KCMF1: variants seen among roughly 807,000 people sequenced by gnomAD.
KCMF1 encodes E3 ubiquitin-protein ligase KCMF1.
KCMF1 carries 3 observed loss-of-function variants against 41.1 expected under a neutral mutation model. The observed-to-expected ratio is 0.07, with a 90% CI of 0.03 to 0.19. The LOEUF (loss-of-function observed/expected upper bound fraction) is 0.19. KCMF1 is among the 10% of genes least tolerant of loss of function. The pLI is 1.00. For missense variants in KCMF1, 286 were observed against 488.9 expected (o/e 0.58, Z 3.91); for synonymous variants, 142 against 164.5 (o/e 0.86, Z 1.04).
At chr2:85,046,315 G>GCTT in intron 5 of KCMF1, 37 bp downstream of exon 5, 1 of 1,551,592 alleles carries the variant, frequency 6.4e-7, no homozygotes, top group Non-Finnish European at 8.8e-7. Context: ...AAATGGCAGG[G>GCTT]GAAGGAGGAG....
At chr2:85,048,634 G>A (rs1003848100) in intron 5 of KCMF1, among the ~76,000 whole-genome samples, 2 of 152,246 alleles carry the variant, frequency 1.3e-5, no homozygotes, top group Admixed American at 6.5e-5. Context: ...AGATGAGGAT[G>A]CGGGGACAAA....
chr2:85,020,724 G>A (rs559122913), intron 1 of KCMF1, among the ~76,000 whole-genome samples: 168 of 152,260 alleles, frequency 1.1e-3, no homozygotes, highest in Non-Finnish European at 1.9e-3. Flanking sequence ...GAGCCACTGC[G>A]CCTGACCTGG....
At chr2:85,014,724 C>CGTGT (rs72066261) in intron 1 of KCMF1, among the ~76,000 whole-genome samples, 129 of 138,298 alleles carry the variant, frequency 9.3e-4, no homozygotes, top group Non-Finnish European at 1.1e-3. Flanking sequence ...TGCGTGCGTG[C>CGTGT]GTGTGTGTGT....
chr2:85,050,835 G>A (rs1366502187), intron 6 of KCMF1, among the ~76,000 whole-genome samples: 2 of 152,230 alleles, frequency 1.3e-5, no homozygotes, highest in African/African-American at 2.4e-5. Context: ...TGGTGCATGT[G>A]TATAGTTATA....
At chr2:85,044,310 G>A (rs373954586) in intron 4 of KCMF1, among the ~76,000 whole-genome samples, 9 of 151,982 alleles carry the variant, frequency 5.9e-5, no homozygotes, top group Non-Finnish European at 1.0e-4. Flanking sequence ...ATTTCCTGCC[G>A]AGTTCCTGAG....
chr2:84,990,933 AC>A (rs1674026425), intron 1 of KCMF1, among the ~76,000 whole-genome samples: 1 of 152,014 alleles, frequency 6.6e-6, no homozygotes, highest in Non-Finnish European at 1.5e-5. Flanking sequence ...CTTGCTCAAA[AC>A]CCAGTGGATG....
Position 85,043,680 on chromosome 2 carries a change from G to T in KCMF1, c.426+15G>T. The stretch of plus-strand genomic sequence containing the variant: ...CTAGAGATTTAATATCCTTTTAAGA[G>T]ATGACAAGGAAAAGAGTTGTTTGTA... On this transcript the variant is annotated intron_variant, in intron 4 of 6. Transcript: ENST00000409785. The T allele has an allele frequency of 6.7e-7, 1 of 1,481,998 alleles. No homozygotes were observed. Among genetic ancestry groups the T allele is most frequent in the Non-Finnish European group, 9.4e-7 (1 of 1,061,922 alleles). 91.8% of individuals were successfully genotyped at this position (1,481,998 alleles called of 1,614,324 possible). A position where few individuals can be genotyped will look rare whatever the true frequency, so the allele number is the denominator to read the frequency against.
chr2:85,013,635 T>A (rs1674699402), intron 1 of KCMF1, among the ~76,000 whole-genome samples: 1 of 151,886 alleles, frequency 6.6e-6, no homozygotes, highest in South Asian at 2.1e-4. Flanking sequence ...CCGTCTCTAC[T>A]AAAAGTACAA....
intron 1 of KCMF1, among the ~76,000 whole-genome samples, chr2:84,983,825 TTA>T (rs142290868): frequency 0.015 from 2,330 of 152,190 alleles, 30 homozygotes; most frequent in South Asian, 0.063. Context: ...TTTGTATTTT[TTA>T]TAGAGATGGA....
At position 85,054,598 on chromosome 2, in the gene KCMF1, G is replaced by C. The variant is rs1382958778; in HGVS notation, c.*1189G>C. ...TGGGTTTGTTTTGGGGTTTGGAAGG[G>C]CCGGGTTATTTTTTATTTCCTGTTT... On this transcript the variant is annotated 3_prime_UTR_variant, in exon 7 of 7. Coordinates refer to ENST00000409785, the MANE Select transcript of KCMF1 (RefSeq NM_020122.5). 1.3e-5 allele frequency: 2 copies of C among 152,040 alleles called. No individual in the cohort carries two copies. Among genetic ancestry groups the C allele is most frequent in the East Asian group, 3.9e-4 (2 of 5,194 alleles). 9.4% of individuals were successfully genotyped at this position (152,040 alleles called of 1,614,324 possible). A position where few individuals can be genotyped will look rare whatever the true frequency, so the allele number is the denominator to read the frequency against.
At chr2:85,050,501 T>C (rs1675780879) in intron 6 of KCMF1, among the ~76,000 whole-genome samples, 1 of 152,198 alleles carries the variant, frequency 6.6e-6, no homozygotes, top group African/African-American at 2.4e-5. Flanking sequence ...GGAGTTCTTG[T>C]TTGCTTCTGA....
intron 1 of KCMF1, among the ~76,000 whole-genome samples, chr2:85,023,567 C>T (rs548431166): frequency 6.6e-6 from 1 of 151,968 alleles, no homozygotes; most frequent in Non-Finnish European, 1.5e-5. Context: ...GTGATCCGCC[C>T]GCCTCGGTCT....
chr2:85,040,861 A>G (rs1458920580), intron 3 of KCMF1, among the ~76,000 whole-genome samples: 1 of 151,878 alleles, frequency 6.6e-6, no homozygotes, highest in Non-Finnish European at 1.5e-5. Context: ...CCCGGGTTCA[A>G]GTGATTCTCC....
chr2:84,971,463 T>C lies in KCMF1; in HGVS notation c.12T>C (p.His4=). ...CCGTCTGAACTAGGATGTCCCGACA[T>C]GAAGGTGAGAGGAGCCCCCGCCCCC... MSR[H]EGVSCDACLK... is the part of the protein sequence containing the mutation. Residue 4 remains histidine, a synonymous_variant, in exon 1 of 7, where the codon CAT becomes CAC. Coordinates refer to ENST00000409785, the MANE Select transcript of KCMF1 (RefSeq NM_020122.5). The C allele has an allele frequency of 7.9e-7, 1 of 1,270,330 alleles. No homozygotes were observed. The highest frequency in any genetic ancestry group is 1.0e-6 in the Non-Finnish European group (1 of 984,456). The allele number at this position is 1,270,330 out of a possible 1,614,324, so 78.7% of individuals were successfully genotyped here.
At chr2:84,982,970 A>C (rs1673803494) in intron 1 of KCMF1, among the ~76,000 whole-genome samples, 2 of 152,228 alleles carry the variant, frequency 1.3e-5, no homozygotes, top group Non-Finnish European at 2.9e-5. Context: ...ACAGTAGATG[A>C]GAAATACAAG....
intron 5 of KCMF1, 53 bp downstream of exon 5, chr2:85,046,331 T>A: frequency 6.8e-7 from 1 of 1,461,984 alleles, no homozygotes; most frequent in South Asian, 1.2e-5. Context: ...AGGAGCTCCT[T>A]TTAAAACTTT....
At chr2:85,003,870 G>A (rs1184058624) in intron 1 of KCMF1, among the ~76,000 whole-genome samples, 1 of 152,150 alleles carries the variant, frequency 6.6e-6, no homozygotes, top group Non-Finnish European at 1.5e-5. Flanking sequence ...AGCTAAAAAG[G>A]GTTAGCATAG....
At chr2:84,999,634 A>G (rs76447312) in intron 1 of KCMF1, among the ~76,000 whole-genome samples, 2,125 of 152,324 alleles carry the variant, frequency 0.014, 51 homozygotes, top group African/African-American at 0.049. Context: ...ATTTTCCTAT[A>G]CTATTTATAG....
chr2:85,014,196 C>T (rs1164528188), intron 1 of KCMF1: 1 of 152,132 alleles, frequency 6.6e-6, no homozygotes, highest in African/African-American at 2.4e-5. Context: ...AAGAGTAATT[C>T]CTCAATCTCA....
Sources: allele counts gnomAD v4.1 joint callset (sites outside exome capture counted in the v4.1 genomes callset), GRCh38; gene constraint gnomAD v4.1.1; transcripts MANE v1.5; gene names NCBI Gene and HGNC (gene_info 2026-07-23, HGNC 2026-07-21).